The following IQGAP2 variants were observed in gnomAD, a reference collection of about 807,000 sequenced individuals.
The protein encoded by IQGAP2 is IQ motif containing GTPase activating protein 2.
Under a neutral mutation model 201.3 loss-of-function variants are expected in IQGAP2, and 173 were observed. That is an observed-to-expected ratio of 0.86 (90% CI 0.76 to 0.98). The LOEUF is 0.98. IQGAP2 is among the 50% of genes least tolerant of loss of function. IQGAP2 has a pLI of 0.00. For missense variants in IQGAP2, 1,687 were observed against 1,864.8 expected (o/e 0.90, Z 1.76); for synonymous variants, 675 against 673.9 (o/e 1.00, Z -0.03).
chr5:76,456,149 T>C (rs10942781), intron 1 of IQGAP2, among the ~76,000 whole-genome samples: 33,094 of 152,080 alleles, frequency 0.22, 3,815 homozygotes, highest in Middle Eastern at 0.29. Context: ...CTATTATTTC[T>C]TTTGCCCTTG....
chr5:76,681,480 A>G (rs1745287132), intron 28 of IQGAP2, among the ~76,000 whole-genome samples: 1 of 152,048 alleles, frequency 6.6e-6, no homozygotes. Context: ...ATCAAAACTG[A>G]AACTGCAAGG....
At chr5:76,428,050 C>T (rs1356591167) in intron 1 of IQGAP2, among the ~76,000 whole-genome samples, 1 of 152,100 alleles carries the variant, frequency 6.6e-6, no homozygotes, top group Non-Finnish European at 1.5e-5. Flanking sequence ...TCTGAATGGG[C>T]ACTGAAGGGG....
intron 2 of IQGAP2, among the ~76,000 whole-genome samples, chr5:76,561,145 A>C (rs1387936581): frequency 6.6e-6 from 1 of 152,222 alleles, no homozygotes; most frequent in Non-Finnish European, 1.5e-5. Flanking sequence ...TTAAAAACTC[A>C]TGAATTTTGT....
intron 2 of IQGAP2, among the ~76,000 whole-genome samples, chr5:76,532,382 C>A (rs1290253810): frequency 6.8e-6 from 1 of 147,620 alleles, no homozygotes; most frequent in Non-Finnish European, 1.5e-5. Flanking sequence ...GATGTTATAT[C>A]CTACAGATTA....
intron 2 of IQGAP2, among the ~76,000 whole-genome samples, chr5:76,558,197 T>C (rs1336709954): frequency 6.6e-6 from 1 of 152,110 alleles, no homozygotes; most frequent in East Asian, 1.9e-4. Flanking sequence ...CTCTAAAATA[T>C]CATACTTCGG....
chr5:76,657,634 C>T (rs1349352358), intron 20 of IQGAP2, among the ~76,000 whole-genome samples: 1 of 152,204 alleles, frequency 6.6e-6, no homozygotes, highest in Non-Finnish European at 1.5e-5. Context: ...TCTAATCATT[C>T]GTCCTCAATG....
At chr5:76,462,011 T>C (rs956565775) in intron 2 of IQGAP2, among the ~76,000 whole-genome samples, 6 of 152,324 alleles carry the variant, frequency 3.9e-5, no homozygotes, top group Middle Eastern at 3.4e-3. Flanking sequence ...AGAAGAAGCA[T>C]CTATTTCTTG....
intron 1 of IQGAP2, among the ~76,000 whole-genome samples, chr5:76,419,665 T>C (rs1158391260): frequency 6.2e-5 from 7 of 112,004 alleles, no homozygotes; most frequent in Admixed American, 1.0e-4. Flanking sequence ...TTCTTTTTCT[T>C]TTCTTTTCTT....
chr5:76,640,843 A>C (rs1751514724), intron 16 of IQGAP2, 90 bp from the exon 17 acceptor site: 3 of 987,180 alleles, frequency 3.0e-6, no homozygotes, highest in East Asian at 2.5e-5. Context: ...CATCCATATT[A>C]TTTTCTAAAA....
rs192024796 is a variant in IQGAP2, at chr5:76,680,673, C to T, written c.3661-2442C>T. Among the ~76,000 whole-genome samples, 204 of 150,806 alleles carry T rather than the reference C, an allele frequency of 1.4e-3. 2 individuals are homozygous for T. The highest frequency in any genetic ancestry group is 3.5e-3 in the Middle Eastern group (1 of 288). ...GGGTGTAGTGGTGCATGCCTGTAGT[C>T]CTAGCTACTCGAGAGAATGAGACAG... is the stretch of plus-strand genomic sequence containing the variant. On this transcript the variant is annotated intron_variant, in intron 28 of 35. Coordinates refer to ENST00000274364, the MANE Select transcript of IQGAP2 (RefSeq NM_006633.5).
intron 20 of IQGAP2, among the ~76,000 whole-genome samples, chr5:76,655,781 C>T (rs1752863835): frequency 6.6e-6 from 1 of 152,116 alleles, no homozygotes; most frequent in South Asian, 2.1e-4. Context: ...ATAAAATTCA[C>T]CCAAAAATAA....
intron 1 of IQGAP2, among the ~76,000 whole-genome samples, chr5:76,451,927 C>A (rs546918498): frequency 9.2e-5 from 14 of 152,122 alleles, no homozygotes; most frequent in African/African-American, 3.4e-4. Flanking sequence ...ATCCCAGCTA[C>A]TTGGGAGGCT....
At chr5:76,410,080 G>T (rs1270405890) in intron 1 of IQGAP2, among the ~76,000 whole-genome samples, 2 of 152,234 alleles carry the variant, frequency 1.3e-5, no homozygotes, top group African/African-American at 2.4e-5. Flanking sequence ...CGTGATGAAT[G>T]AAACACCGCT....
At chr5:76,556,127 A>G (rs1743927808) in intron 2 of IQGAP2, among the ~76,000 whole-genome samples, 1 of 152,206 alleles carries the variant, frequency 6.6e-6, no homozygotes, top group African/African-American at 2.4e-5. Flanking sequence ...CTCCCAGCAG[A>G]AAGGACCTGC....
intron 1 of IQGAP2, among the ~76,000 whole-genome samples, chr5:76,447,223 C>T (rs995246053): frequency 6.6e-6 from 1 of 152,208 alleles, no homozygotes; most frequent in Admixed American, 6.5e-5. Context: ...AAGGTGACCA[C>T]ATCCACCTTT....
At chr5:76,415,073 A>G (rs559384008) in intron 1 of IQGAP2, among the ~76,000 whole-genome samples, 11 of 152,246 alleles carry the variant, frequency 7.2e-5, no homozygotes, top group Admixed American at 1.3e-4. Flanking sequence ...CTAGAAGGTT[A>G]TAATATCTTT....
chr5:76,571,185 GTTA>G (rs895439371), intron 4 of IQGAP2, among the ~76,000 whole-genome samples: 4 of 150,690 alleles, frequency 2.7e-5, no homozygotes, highest in East Asian at 1.9e-4. Flanking sequence ...GTAAATTATT[GTTA>G]TTATTATTTC....
intron 13 of IQGAP2, among the ~76,000 whole-genome samples, chr5:76,625,259 C>T (rs1750115140): frequency 6.6e-6 from 1 of 152,154 alleles, no homozygotes; most frequent in Non-Finnish European, 1.5e-5. Context: ...TTACTGCCTT[C>T]TCATCTGGGT....
chr5:76,694,477 C>T (rs1417496642), intron 31 of IQGAP2, among the ~76,000 whole-genome samples: 3 of 152,212 alleles, frequency 2.0e-5, no homozygotes, highest in East Asian at 1.9e-4. Context: ...TATACCTCTG[C>T]ACCTCCTAGG....
Sources: gnomAD v4.1 joint callset for allele counts (sites outside exome capture counted in the v4.1 genomes callset) on GRCh38, gnomAD v4.1.1 for gene constraint, MANE v1.5 for transcripts, NCBI Gene and HGNC (gene_info 2026-07-23, HGNC 2026-07-21) for gene names.